Variants in CTSC observed in about 807,000 individuals in gnomAD.
CTSC encodes the protein dipeptidyl peptidase 1.
A neutral mutation model predicts 40.9 loss-of-function variants in CTSC; 37 were observed. The observed-to-expected ratio is 0.91, with a 90% CI of 0.70 to 1.19. The LOEUF is 1.19. Among genes scored for constraint, CTSC ranks in the 50% most tolerant of loss-of-function variants. The pLI, the probability that CTSC is intolerant of heterozygous loss-of-function variation, is 0.00. For synonymous variants in CTSC, 232 were observed against 207.4 expected, an observed-to-expected ratio of 1.12 and a Z score of -1.02; for missense variants, 594 against 567.3, an observed-to-expected ratio of 1.05 and a Z score of -0.48.
At chr11:88,315,886 T>C (rs1463833237) in intron 2 of CTSC, among the ~76,000 whole-genome samples, 1 of 152,080 alleles carries the variant, frequency 6.6e-6, no homozygotes, top group African/African-American at 2.4e-5. Flanking sequence ...CTCACGATAA[T>C]CTCTTTGGGA....
intron 5 of CTSC, chr11:88,299,093 T>C (rs1319614415): frequency 2.0e-5 from 3 of 152,156 alleles, no homozygotes; most frequent in Admixed American, 1.3e-4. Context: ...ATTAAAAAAA[T>C]CCTAATATAT....
At chr11:88,313,848 T>C (rs879459865) in intron 2 of CTSC, among the ~76,000 whole-genome samples, 15 of 152,162 alleles carry the variant, frequency 9.9e-5, no homozygotes, top group East Asian at 3.8e-4. Flanking sequence ...CATGATCAAA[T>C]GCAGGGTTTG....
chr11:88,316,501 A>AAATAAATGAATGAATGAATGAATG (rs1211606419), intron 2 of CTSC, among the ~76,000 whole-genome samples: 1 of 140,822 alleles, frequency 7.1e-6, no homozygotes, highest in African/African-American at 2.5e-5. Context: ...ATAAATAAAT[A>AAATAAATGAATGAATGAATGAATG]AATGAAGCAG....
intron 2 of CTSC, chr11:88,325,296 A>G (rs1938149902): frequency 1.0e-6 from 1 of 985,300 alleles, no homozygotes; most frequent in East Asian, 1.1e-4. Flanking sequence ...TTTGGTCTTC[A>G]ATGAAAAAAC....
At chr11:88,294,957 AG>A (rs1944282285) in intron 6 of CTSC, among the ~76,000 whole-genome samples, 1 of 152,206 alleles carries the variant, frequency 6.6e-6, no homozygotes, top group Non-Finnish European at 1.5e-5. Flanking sequence ...CTCTTTCTCA[AG>A]CAAGTCTTTT....
intron 3 of CTSC, among the ~76,000 whole-genome samples, chr11:88,311,563 T>A (rs1314823907): frequency 6.6e-6 from 1 of 152,216 alleles, no homozygotes; most frequent in Non-Finnish European, 1.5e-5. Flanking sequence ...TAGTCAGTTA[T>A]AGATTTAATT....
At chr11:88,318,549 C>A (rs1937927274) in intron 2 of CTSC, among the ~76,000 whole-genome samples, 1 of 152,192 alleles carries the variant, frequency 6.6e-6, no homozygotes, top group Non-Finnish European at 1.5e-5. Flanking sequence ...ATCCTTTCAA[C>A]CAGTGGTTTC....
chr11:88,304,140 A>G (rs977923458), intron 4 of CTSC, among the ~76,000 whole-genome samples: 1 of 152,198 alleles, frequency 6.6e-6, no homozygotes, highest in Non-Finnish European at 1.5e-5. Flanking sequence ...TTCAGGGCAT[A>G]TGATTTTATC....
chr11:88,337,729 C>T lies in CTSC; in HGVS notation c.-57G>A, dbSNP rs186343021. On this transcript the variant is annotated 5_prime_UTR_variant, in exon 1 of 7. Coordinates refer to ENST00000227266, the MANE Select transcript of CTSC (RefSeq NM_001814.6). ...TTACCAGGAAGCCGAGCGCTGCGGG[C>T]TAGCGGTGAGTCCACCACGAGGCGC... 6.0e-5 allele frequency: 93 copies of T among 1,544,038 alleles called. No homozygotes were observed. The highest frequency in any genetic ancestry group is 1.7e-4 in the Middle Eastern group (1 of 5,964).
chr11:88,307,424 A>T (rs1341403709), intron 4 of CTSC, among the ~76,000 whole-genome samples: 1 of 152,174 alleles, frequency 6.6e-6, no homozygotes, highest in African/African-American at 2.4e-5. Context: ...TTTTTAAATT[A>T]TCTAAATTTC....
At position 88,314,738 on chromosome 11, in the gene CTSC, G is replaced by A. The variant is rs189413990; in HGVS notation, c.319-2184C>T. On this transcript the variant is annotated intron_variant, in intron 2 of 6. Coordinates refer to ENST00000227266, the MANE Select transcript of CTSC (RefSeq NM_001814.6). ...AGATAGGGTTTCACCATGTTGGCCA[G>A]GCTGGTCTCAAACTCCTGACCTGAG... Among the ~76,000 whole-genome samples the A allele has an allele frequency of 1.4e-4, 22 of 152,214 alleles. No individual in the cohort carries two copies. The East Asian group carries it at 4.1e-3, about 28-fold the overall frequency.
At chr11:88,334,781 G>A (rs962510895) in intron 2 of CTSC, 156 bp downstream of exon 2, 10 of 612,376 alleles carry the variant, frequency 1.6e-5, no homozygotes, top group Admixed American at 3.1e-5. Flanking sequence ...AAATAAAGTG[G>A]CAAAATTATA....
intron 5 of CTSC, chr11:88,297,422 A>T (rs900423886): frequency 6.6e-6 from 1 of 152,040 alleles, no homozygotes; most frequent in Admixed American, 6.6e-5. Flanking sequence ...TTTGCCCCTC[A>T]TTAGCTGTGC....
Position 88,337,678 on chromosome 11 carries a change from A to G in CTSC, c.-6T>C, listed in dbSNP as rs759967998. The G allele has an allele frequency of 2.6e-6, 4 of 1,568,604 alleles. No individual in the cohort carries two copies. The highest frequency in any genetic ancestry group is 4.7e-5 in the East Asian group (2 of 42,356). On this transcript the variant is annotated 5_prime_UTR_variant, in exon 1 of 7. Transcript: ENST00000227266. ...AAGGAGGGCCCAGCACCCATGCTGC[A>G]GGGAGCTGAGAAAAGAGGTGAAGAA...
chr11:88,314,367 T>C (rs1018471805), intron 2 of CTSC, among the ~76,000 whole-genome samples: 2 of 152,224 alleles, frequency 1.3e-5, no homozygotes, highest in African/African-American at 2.4e-5. Context: ...ACTCTCTGAA[T>C]TCAAATCATA....
At chr11:88,313,480 T>G (rs1937812154) in intron 2 of CTSC, among the ~76,000 whole-genome samples, 1 of 152,230 alleles carries the variant, frequency 6.6e-6, no homozygotes, top group African/African-American at 2.4e-5. Flanking sequence ...AATATGGCCT[T>G]TTGTCTTATT....
At chr11:88,312,635 G>A (rs1937790677) in intron 2 of CTSC, 81 bp from the exon 3 acceptor site, 1 of 1,417,504 alleles carries the variant, frequency 7.1e-7, no homozygotes, top group East Asian at 2.5e-5. Flanking sequence ...CTCATTCACA[G>A]TAAATGTGCC....
intron 1 of CTSC, among the ~76,000 whole-genome samples, chr11:88,336,376 A>G (rs1224102285): frequency 1.3e-5 from 2 of 152,036 alleles, no homozygotes; most frequent in East Asian, 3.9e-4. Flanking sequence ...CGTCTCTACT[A>G]AAAATACAAA....
chr11:88,312,439 G>C lies in CTSC; in HGVS notation c.434C>G (p.Ala145Gly), dbSNP rs1277410318. The part of the protein sequence containing the change: ...ACFTGKKVGT[A>G]SENVYVNIAH... ...TATGTTGACATACACATTCTCAGAG[G>C]CAGTTCCCACCTTCTTTCCGGTGAA... The change falls in exon 3 of 7, where the codon GCC becomes GGC. Residue 145 changes from alanine to glycine, a missense_variant. Ala to Gly is a moderately conservative substitution (Grantham distance 60). Coordinates refer to ENST00000227266, the MANE Select transcript of CTSC (RefSeq NM_001814.6). 2 of 1,613,962 alleles carry C rather than the reference G, an allele frequency of 1.2e-6. No individual in the cohort carries two copies. Among genetic ancestry groups the C allele is most frequent in the African/African-American group, 2.7e-5 (2 of 74,888 alleles).
Sources: gnomAD v4.1 joint callset for allele counts (sites outside exome capture counted in the v4.1 genomes callset) on GRCh38, gnomAD v4.1.1 for gene constraint, MANE v1.5 for transcripts, NCBI Gene and HGNC (gene_info 2026-07-23, HGNC 2026-07-21) for gene names.